DHTKD1: variants seen among roughly 807,000 people sequenced by gnomAD.
DHTKD1 encodes 2-oxoadipate dehydrogenase complex component E1.
In DHTKD1, 78 loss-of-function variants were observed where a neutral mutation model predicts 101.8. The ratio of observed to expected loss-of-function variants is 0.77; its 90% CI spans 0.64 to 0.93. DHTKD1 has a LOEUF of 0.93. Ranked by LOEUF, DHTKD1 falls within the 40% of genes least tolerant of loss-of-function variation. DHTKD1 has a pLI of 0.00. For synonymous variants in DHTKD1, 462 were observed against 450.3 expected (o/e 1.03, Z -0.33); for missense variants, 1,223 against 1,161.7 (o/e 1.05, Z -0.77).
intron 7 of DHTKD1, among the ~76,000 whole-genome samples, chr10:12,095,670 G>A (rs1399955639): frequency 7.2e-5 from 11 of 151,882 alleles, no homozygotes; most frequent in Non-Finnish European, 1.0e-4. Context: ...AAAATTAGCC[G>A]GGCGTGGTGG....
chr10:12,120,876 G>A lies in DHTKD1; in HGVS notation c.2748G>A (p.Lys916=). Residue 916 remains lysine, a synonymous_variant, in exon 17 of 17, where the codon AAG becomes AAA. Coordinates refer to ENST00000263035, the MANE Select transcript of DHTKD1 (RefSeq NM_018706.7). The part of the protein sequence containing the change: ...HLHQHEDILA[K]TFA The stretch of plus-strand genomic sequence containing the variant: ...ACCAGCATGAAGATATCCTCGCCAA[G>A]ACCTTCGCTTGATGATGACTTTTGA... The A allele has an allele frequency of 1.2e-6, 2 of 1,613,806 alleles. No individual in the cohort carries two copies. Among genetic ancestry groups the A allele is most frequent in the Non-Finnish European group, 1.7e-6 (2 of 1,179,802 alleles).
intron 15 of DHTKD1, among the ~76,000 whole-genome samples, chr10:12,119,444 T>C (rs1055084869): frequency 6.8e-6 from 1 of 146,918 alleles, no homozygotes; most frequent in Non-Finnish European, 1.5e-5. Context: ...TGAAACCCCG[T>C]CTCTACTGAA....
At chr10:12,104,368 A>G (rs1452191431) in intron 10 of DHTKD1, among the ~76,000 whole-genome samples, 1 of 152,126 alleles carries the variant, frequency 6.6e-6, no homozygotes, top group Non-Finnish European at 1.5e-5. Flanking sequence ...TAGCAGAGAC[A>G]GGGTCTCGCC....
In DHTKD1 at chr10:12,069,025, C is replaced by G; in HGVS notation, c.-9C>G. ...CGCCTTAGCATGCTGGCCGGGACAT[C>G]TGGTGAACATGGCCTCTGCTACTGC... On this transcript the variant is annotated 5_prime_UTR_variant, in exon 1 of 17. It adds an upstream start codon to the 5' untranslated region. Transcript: ENST00000263035. The G allele has an allele frequency of 6.2e-7, 1 of 1,613,134 alleles. No individual in the cohort carries two copies. The highest frequency in any genetic ancestry group is 8.5e-7 in the Non-Finnish European group (1 of 1,179,590).
At position 12,097,873 on chromosome 10, in the gene DHTKD1, A is replaced by G. The variant is rs1833096815; in HGVS notation, c.1548A>G (p.Glu516=). ...ACTGGCAGGGCCTGGCTCAGCCAGA[A>G]GCGCAAATCACCACCTGGAGTACAG... is the stretch of plus-strand genomic sequence containing the variant. ...QAHWQGLAQP[E]AQITTWSTGV... Residue 516 remains glutamate, a synonymous_variant, in exon 8 of 17, where the codon GAA becomes GAG. Coordinates refer to ENST00000263035, the MANE Select transcript of DHTKD1 (RefSeq NM_018706.7). 6.2e-7 allele frequency: 1 copy of G among 1,614,110 alleles called. No homozygotes were observed. The highest frequency in any genetic ancestry group is 1.3e-5 in the African/African-American group (1 of 74,952).
intron 15 of DHTKD1, 113 bp downstream of exon 15, chr10:12,119,031 G>T: frequency 9.1e-7 from 1 of 1,101,746 alleles, no homozygotes; most frequent in East Asian, 2.9e-5. Context: ...CTTGGGCCGG[G>T]CGCGGTGGCT....
chr10:12,108,767 A>AT (rs1418274391), intron 12 of DHTKD1, among the ~76,000 whole-genome samples: 1 of 152,084 alleles, frequency 6.6e-6, no homozygotes, highest in African/African-American at 2.4e-5. Context: ...ATTCACCATT[A>AT]TTTTTTATTA....
intron 1 of DHTKD1, among the ~76,000 whole-genome samples, chr10:12,074,910 G>A (rs1832702981): frequency 1.3e-5 from 2 of 151,996 alleles, no homozygotes; most frequent in South Asian, 4.2e-4. Flanking sequence ...TGGGTTACTT[G>A]AGGTGAGGAG....
chr10:12,086,594 A>AT (rs1213997578), intron 3 of DHTKD1, among the ~76,000 whole-genome samples: 1 of 152,120 alleles, frequency 6.6e-6, no homozygotes, highest in Non-Finnish European at 1.5e-5. Context: ...AAGTGCTGGG[A>AT]TTAAGGCATC....
In DHTKD1 at chr10:12,095,685, C is replaced by T. The variant is rs370382983; in HGVS notation, c.1358+1414C>T. On this transcript the variant is annotated intron_variant, in intron 7 of 16. Transcript: ENST00000263035. The stretch of plus-strand genomic sequence containing the variant: ...AAAATTAGCCGGGCGTGGTGGCGGG[C>T]GCCTGTAGTCCCAGCTACTCGGGAG... Among the ~76,000 whole-genome samples, 740 of 150,980 alleles carry T rather than the reference C, an allele frequency of 4.9e-3. 6 individuals carry two copies. The highest frequency in any genetic ancestry group is 0.017 in the African/African-American group (703 of 41,238).
In DHTKD1 at chr10:12,089,159, C is replaced by G. The variant is rs576048100; in HGVS notation, c.891C>G (p.Ala297=). ...ACCTGGAGGCCGTCAACCCCGTGGC[C>G]GTGGGCAAAACTCGCGGCAGGCAGC... ...PSHLEAVNPV[A]VGKTRGRQQS... The change falls in exon 5 of 17, where the codon GCC becomes GCG. Residue 297 remains alanine (A), a synonymous_variant. Coordinates refer to ENST00000263035, the MANE Select transcript of DHTKD1 (RefSeq NM_018706.7). 4 of 1,614,140 alleles carry G rather than the reference C, an allele frequency of 2.5e-6. No homozygotes were observed. In the East Asian group the frequency reaches 6.7e-5, roughly 27 times the overall value.
At chr10:12,115,928 A>ATTT (rs762994821) in intron 13 of DHTKD1, among the ~76,000 whole-genome samples, 2 of 133,166 alleles carry the variant, frequency 1.5e-5, no homozygotes. Context: ...ACACCCAGCA[A>ATTT]TTTTTTTTTT....
intron 10 of DHTKD1, 123 bp downstream of exon 10, chr10:12,101,304 G>T: frequency 9.3e-7 from 1 of 1,071,920 alleles, no homozygotes; most frequent in Non-Finnish European, 1.3e-6. Flanking sequence ...GTAAAGGAGT[G>T]CTAAATGGGT....
intron 14 of DHTKD1, 66 bp downstream of exon 14, chr10:12,117,821 C>A (rs1292801469): frequency 6.8e-6 from 5 of 732,182 alleles, no homozygotes; most frequent in Non-Finnish European, 1.2e-5. Context: ...AAGTAGTTCA[C>A]ATTAAGAGAT....
At chr10:12,108,036 A>G in intron 12 of DHTKD1, 21 bp downstream of exon 12, 1 of 1,573,378 alleles carries the variant, frequency 6.4e-7, no homozygotes. Flanking sequence ...CGTCTTCCGG[A>G]GTCAATGAAT....
chr10:12,077,502 G>C (rs1832752434), intron 1 of DHTKD1, among the ~76,000 whole-genome samples: 1 of 152,318 alleles, frequency 6.6e-6, no homozygotes, highest in Non-Finnish European at 1.5e-5. Context: ...CTCCCAAAGT[G>C]CTGGGATTAC....
chr10:12,089,815 C>T (rs1428644411), intron 5 of DHTKD1, among the ~76,000 whole-genome samples: 1 of 151,910 alleles, frequency 6.6e-6, no homozygotes, highest in African/African-American at 2.4e-5. Context: ...GGACTACAGG[C>T]ACGTGCCACC....
At chr10:12,075,748 T>C (rs952302342) in intron 1 of DHTKD1, among the ~76,000 whole-genome samples, 4 of 152,146 alleles carry the variant, frequency 2.6e-5, no homozygotes, top group African/African-American at 9.6e-5. Context: ...TATTTTTCTA[T>C]CCTTCCAGGG....
Position 12,077,654 on chromosome 10 carries a change from TAA to T in DHTKD1, c.155-3816_155-3815del, listed in dbSNP as rs1470852001. 2.0e-5 allele frequency among the ~76,000 whole-genome samples: 3 copies of T among 152,174 alleles called. No homozygotes were observed. In the East Asian group the frequency reaches 5.8e-4, roughly 29 times the overall value. ...GCTTGTTCCTCAGAGGATGGGTTTA[TAA>T]AGAGAGAACTAATGATAGGGAGATG... On this transcript the variant is annotated intron_variant, in intron 1 of 16. Transcript: ENST00000263035.
Sources: gnomAD v4.1 joint callset for allele counts (sites outside exome capture counted in the v4.1 genomes callset) on GRCh38, gnomAD v4.1.1 for gene constraint, MANE v1.5 for transcripts, NCBI Gene and HGNC (gene_info 2026-07-23, HGNC 2026-07-21) for gene names.